MANBA: variants seen among roughly 807,000 people sequenced by gnomAD.
MANBA encodes the protein beta-mannosidase.
A neutral mutation model predicts 111.1 loss-of-function variants in MANBA; 83 were observed. The observed-to-expected ratio is 0.75, with a 90% CI of 0.63 to 0.90. MANBA has a LOEUF of 0.90. Ranked by LOEUF, MANBA falls within the 40% of genes least tolerant of loss-of-function variation. MANBA has a pLI of 0.00. For synonymous variants in MANBA, 370 were observed against 378.7 expected (o/e 0.98, Z 0.27); for missense variants, 1,036 against 1,069.0 (o/e 0.97, Z 0.43).
chr4:102,682,146 C>CAA (rs1244673574), intron 7 of MANBA, among the ~76,000 whole-genome samples: 901 of 62,246 alleles, frequency 0.014, 21 homozygotes, highest in African/African-American at 0.044. Flanking sequence ...AACTCTGTCT[C>CAA]AAAAAAAAAA....
intron 1 of MANBA, chr4:102,727,307 C>T (rs775589981): frequency 9.6e-6 from 6 of 622,280 alleles, no homozygotes; most frequent in South Asian, 1.8e-5. Flanking sequence ...TCTGGGCTTC[C>T]GTGCTCTCAT....
At chr4:102,746,725 C>A (rs761136988) in intron 1 of MANBA, among the ~76,000 whole-genome samples, 1 of 152,226 alleles carries the variant, frequency 6.6e-6, no homozygotes, top group Non-Finnish European at 1.5e-5. Context: ...GTCATCCCAG[C>A]ACTTTGGCAG....
rs1318684660 is a variant in MANBA at position 102,664,766 on chromosome 4, A to G, written c.1404T>C (p.His468=). The G allele has an allele frequency of 6.2e-7, 1 of 1,609,260 alleles. No homozygotes were observed. Among genetic ancestry groups the G allele is most frequent in the East Asian group, 2.2e-5 (1 of 44,882 alleles). The part of the protein sequence containing the change: ...NEEALMMNWY[H]ISFTDRPIYI... ...AGATTGGCCGGTCAGTGAAACTGAT[A>G]TGATACCAATTCATCATCAGCGCCT... is the stretch of plus-strand genomic sequence containing the variant. The change falls in exon 11 of 17, where the codon CAT becomes CAC. Residue 468 remains histidine (H), a synonymous_variant. Coordinates refer to ENST00000647097, the MANE Select transcript of MANBA (RefSeq NM_005908.4).
At chr4:102,663,713 A>C (rs961572844) in intron 11 of MANBA, among the ~76,000 whole-genome samples, 3 of 152,238 alleles carry the variant, frequency 2.0e-5, no homozygotes, top group Non-Finnish European at 2.9e-5. Context: ...GGATATACCC[A>C]GATATTTAAA....
chr4:102,734,631 G>A lies in MANBA; in HGVS notation c.178-7948C>T. 12 of 1,560,546 alleles carry A rather than the reference G, an allele frequency of 7.7e-6. No individual in the cohort carries two copies. In the South Asian group the frequency reaches 1.4e-4, roughly 18 times the overall value. ...GAAGCGGTAGAAGAGGAGGCCCGAGGAGCCAGACAGGCAGGGAGAGGGCCT... is the reference window on the plus strand; with the variant it reads ...GAAGCGGTAGAAGAGGAGGCCCGAGAAGCCAGACAGGCAGGGAGAGGGCCT... On this transcript the variant is annotated intron_variant, in intron 1 of 16. Transcript: ENST00000647097.
intron 8 of MANBA, among the ~76,000 whole-genome samples, chr4:102,672,709 C>T (rs373408063): frequency 3.1e-4 from 47 of 152,254 alleles, no homozygotes; most frequent in African/African-American, 8.9e-4. Context: ...ATCAGATCAG[C>T]GGCAGCATTA....
At chr4:102,677,101 T>C (rs1446923109) in intron 7 of MANBA, among the ~76,000 whole-genome samples, 1 of 152,154 alleles carries the variant, frequency 6.6e-6, no homozygotes, top group African/African-American at 2.4e-5. Flanking sequence ...TTAATAGAGT[T>C]GTATGTAAGC....
intron 4 of MANBA, among the ~76,000 whole-genome samples, chr4:102,717,626 T>A (rs1722394450): frequency 6.6e-6 from 1 of 152,094 alleles, no homozygotes; most frequent in African/African-American, 2.4e-5. Flanking sequence ...GCTCCTGAAC[T>A]CAAGTGATCC....
intron 7 of MANBA, among the ~76,000 whole-genome samples, chr4:102,681,893 C>T (rs1731995757): frequency 6.6e-6 from 1 of 152,084 alleles, no homozygotes; most frequent in Non-Finnish European, 1.5e-5. Context: ...CGCCTGTAAT[C>T]CTAGCACTTT....
At chr4:102,745,373 G>C (rs1211289032) in intron 1 of MANBA, among the ~76,000 whole-genome samples, 1 of 152,180 alleles carries the variant, frequency 6.6e-6, no homozygotes, top group Admixed American at 6.5e-5. Context: ...TGGAGTGACT[G>C]TTGTTCCCAC....
chr4:102,689,359 AATAT>A (rs1192229674), intron 7 of MANBA, among the ~76,000 whole-genome samples: 1 of 100,408 alleles, frequency 1.0e-5, no homozygotes, highest in African/African-American at 3.4e-5. Context: ...AAAAAAAAAA[AATAT>A]ATATATATAT....
intron 4 of MANBA, among the ~76,000 whole-genome samples, chr4:102,720,985 T>A (rs995861864): frequency 1.3e-5 from 2 of 152,220 alleles, no homozygotes; most frequent in African/African-American, 4.8e-5. Context: ...CTAAAGAGTA[T>A]TGGGAAAATA....
At chr4:102,709,355 A>AAGG (rs1721929483) in intron 5 of MANBA, among the ~76,000 whole-genome samples, 1 of 118,566 alleles carries the variant, frequency 8.4e-6, no homozygotes, top group African/African-American at 3.5e-5. Context: ...AGGAAGGAAG[A>AAGG]AAAGAAAAGA....
intron 4 of MANBA, among the ~76,000 whole-genome samples, chr4:102,715,013 C>A (rs1053794005): frequency 6.6e-6 from 1 of 152,110 alleles, no homozygotes; most frequent in African/African-American, 2.4e-5. Context: ...TTTGGGGGGA[C>A]CACAAGTTAG....
chr4:102,698,129 T>A (rs1483782507), intron 5 of MANBA, among the ~76,000 whole-genome samples: 1 of 144,100 alleles, frequency 6.9e-6, no homozygotes, highest in Non-Finnish European at 1.5e-5. Flanking sequence ...CATTTTTTCA[T>A]GTTTTTTGGC....
At position 102,747,158 on chromosome 4, in the gene MANBA, G is replaced by GATATATATATATATATATATAT. The variant is rs144093849; in HGVS notation, c.177+13559_177+13560insATATATATATATATATATATAT. Among the ~76,000 whole-genome samples the GATATATATATATATATATATAT allele has an allele frequency of 2.1e-4, 31 of 145,464 alleles. 1 individual carries two copies. Among genetic ancestry groups the GATATATATATATATATATATAT allele is most frequent in the African/African-American group, 7.5e-4 (28 of 37,412 alleles). ...TTCTCTAGAGGGACAGAACTAATGG[G>GATATATATATATATATATATAT]ATATATATATATATAAAGGGGAGTT... is the stretch of plus-strand genomic sequence containing the variant. On this transcript the variant is annotated intron_variant, in intron 1 of 16. Coordinates refer to ENST00000647097, the MANE Select transcript of MANBA (RefSeq NM_005908.4).
At chr4:102,689,071 C>T (rs1018235807) in intron 7 of MANBA, among the ~76,000 whole-genome samples, 13 of 152,142 alleles carry the variant, frequency 8.5e-5, no homozygotes, top group African/African-American at 2.9e-4. Flanking sequence ...AATATAAGGC[C>T]GGGCGCAGTG....
At chr4:102,667,835 A>C (rs1281824117) in intron 10 of MANBA, 1 of 152,224 alleles carries the variant, frequency 6.6e-6, no homozygotes, top group Non-Finnish European at 1.5e-5. Context: ...GTTACCGAGA[A>C]AATGGATTTG....
chr4:102,660,801 A>C (rs1261673312), intron 11 of MANBA, among the ~76,000 whole-genome samples: 1 of 149,262 alleles, frequency 6.7e-6, no homozygotes, highest in African/African-American at 2.4e-5. Flanking sequence ...AATAATTATA[A>C]TTAATATATT....
Sources: allele counts gnomAD v4.1 joint callset (sites outside exome capture counted in the v4.1 genomes callset), GRCh38; gene constraint gnomAD v4.1.1; transcripts MANE v1.5; gene names NCBI Gene and HGNC (gene_info 2026-07-23, HGNC 2026-07-21).